Variants in MARCHF1 observed in about 807,000 individuals in gnomAD.
MARCHF1 encodes the protein E3 ubiquitin-protein ligase MARCHF1.
In MARCHF1, 40 loss-of-function variants were observed where a neutral mutation model predicts 54.2. That is an observed-to-expected ratio of 0.74 (90% confidence interval 0.57 to 0.96). The LOEUF is 0.96. Ranked by LOEUF, MARCHF1 falls within the 40% of genes least tolerant of loss-of-function variation. The probability of loss-of-function intolerance (pLI) is 0.00; values close to 1 mark genes in which losing one functional copy is unlikely to be tolerated. For missense variants in MARCHF1, 586 were observed against 656.5 expected (o/e 0.89, Z 1.17); for synonymous variants, 236 against 236.3 (o/e 1.00, Z 0.01).
chr4:163,742,903 G>A (rs1326625314), intron 4 of MARCHF1, among the ~76,000 whole-genome samples: 1 of 151,898 alleles, frequency 6.6e-6, no homozygotes, highest in Non-Finnish European at 1.5e-5. Context: ...ATATGTAGAT[G>A]AGACAAGATA....
intron 1 of MARCHF1, among the ~76,000 whole-genome samples, chr4:164,139,212 T>G (rs1271031594): frequency 6.6e-6 from 1 of 152,036 alleles, no homozygotes; most frequent in African/African-American, 2.4e-5. Context: ...ATGAACACCA[T>G]GTACCAGAGG....
intron 8 of MARCHF1, among the ~76,000 whole-genome samples, chr4:163,545,986 T>TG (rs1491294173): frequency 8.2e-4 from 124 of 151,022 alleles, no homozygotes; most frequent in Non-Finnish European, 1.4e-3. Context: ...TGTGTGTGTA[T>TG]TTTTTTGAGA....
intron 1 of MARCHF1, among the ~76,000 whole-genome samples, chr4:164,200,459 A>C (rs1051574701): frequency 6.6e-6 from 1 of 152,158 alleles, no homozygotes; most frequent in Non-Finnish European, 1.5e-5. Flanking sequence ...TCCTGCACAT[A>C]AGTCTTGTAT....
intron 1 of MARCHF1, among the ~76,000 whole-genome samples, chr4:164,381,160 C>T (rs1731358342): frequency 6.6e-6 from 1 of 152,180 alleles, no homozygotes; most frequent in African/African-American, 2.4e-5. Flanking sequence ...TGTGCTATGG[C>T]TTTATTTTTG....
intron 1 of MARCHF1, among the ~76,000 whole-genome samples, chr4:164,126,360 G>A (rs566397086): frequency 6.6e-6 from 1 of 152,264 alleles, no homozygotes; most frequent in African/African-American, 2.4e-5. Context: ...ATCAGACACC[G>A]AATCTTCCAG....
intron 1 of MARCHF1, among the ~76,000 whole-genome samples, chr4:164,193,273 C>T (rs532227796): frequency 3.3e-5 from 5 of 152,018 alleles, no homozygotes; most frequent in South Asian, 2.1e-4. Flanking sequence ...AGAAAATCTC[C>T]GTCCCTTTCC....
chr4:163,654,121 T>C (rs1028038756), intron 5 of MARCHF1, among the ~76,000 whole-genome samples: 1 of 151,614 alleles, frequency 6.6e-6, no homozygotes, highest in African/African-American at 2.4e-5. Context: ...TGGAGAAGGA[T>C]AGAGAGAACC....
At chr4:164,267,414 T>C (rs1484688525) in intron 1 of MARCHF1, among the ~76,000 whole-genome samples, 2 of 152,212 alleles carry the variant, frequency 1.3e-5, no homozygotes, top group Non-Finnish European at 2.9e-5. Flanking sequence ...TCTCTCTTTC[T>C]TTTGCCCTCT....
intron 3 of MARCHF1, among the ~76,000 whole-genome samples, chr4:163,922,497 G>A (rs1751454168): frequency 6.6e-6 from 1 of 152,086 alleles, no homozygotes; most frequent in African/African-American, 2.4e-5. Flanking sequence ...AATATCTCTG[G>A]CAGTCAGGCT....
chr4:163,961,016 G>C (rs1752336965), intron 3 of MARCHF1, among the ~76,000 whole-genome samples: 1 of 151,692 alleles, frequency 6.6e-6, no homozygotes, highest in African/African-American at 2.4e-5. Context: ...CCTGATGTCT[G>C]TCTCTCTGTC....
rs572675795 is a variant in MARCHF1 at position 164,022,584 on chromosome 4, C to T, written c.-247-33875G>A. 2.0e-5 allele frequency among the ~76,000 whole-genome samples: 3 copies of T among 152,350 alleles called. No homozygotes were observed. In the South Asian group the frequency reaches 6.2e-4, roughly 32 times the overall value. On this transcript the variant is annotated intron_variant, in intron 2 of 9. Transcript: ENST00000514618. ...GCTAAAGGTCACCCTGTATCTACCACAGACATTTGAACTGGCAAAAAGATC... is the reference window on the plus strand; with the variant it reads ...GCTAAAGGTCACCCTGTATCTACCATAGACATTTGAACTGGCAAAAAGATC...
chr4:163,943,748 T>TAAAAAAAAAAA (rs5863641), intron 3 of MARCHF1, among the ~76,000 whole-genome samples: 2 of 123,526 alleles, frequency 1.6e-5, no homozygotes, highest in African/African-American at 6.1e-5. Flanking sequence ...AAATAGAAGT[T>TAAAAAAAAAAA]AAAAAAAAAA....
At chr4:164,042,402 C>T (rs1240062828) in intron 2 of MARCHF1, among the ~76,000 whole-genome samples, 2 of 152,162 alleles carry the variant, frequency 1.3e-5, no homozygotes, top group Non-Finnish European at 2.9e-5. Flanking sequence ...GGAAAGAAAG[C>T]ACCTTCTTAT....
chr4:163,751,759 A>G (rs1262116617), intron 4 of MARCHF1, among the ~76,000 whole-genome samples: 1 of 152,012 alleles, frequency 6.6e-6, no homozygotes. Flanking sequence ...CTCCTCAAGT[A>G]GGTATTTAAT....
chr4:164,093,607 A>C (rs1553980835), intron 2 of MARCHF1, among the ~76,000 whole-genome samples: 2 of 152,154 alleles, frequency 1.3e-5, no homozygotes, highest in Non-Finnish European at 2.9e-5. Context: ...ATTAGAACCC[A>C]GGAGAAATGG....
At chr4:164,321,860 T>C (rs1735150533) in intron 1 of MARCHF1, among the ~76,000 whole-genome samples, 1 of 152,118 alleles carries the variant, frequency 6.6e-6, no homozygotes, top group African/African-American at 2.4e-5. Flanking sequence ...TAATTAATTA[T>C]AATAATCATA....
intron 1 of MARCHF1, among the ~76,000 whole-genome samples, chr4:164,159,391 A>C (rs984725953): frequency 5.3e-5 from 8 of 152,182 alleles, no homozygotes; most frequent in African/African-American, 1.9e-4. Context: ...CATGTTAAAA[A>C]ATTACAAATT....
At chr4:164,145,661 G>A (rs1165034472) in intron 1 of MARCHF1, among the ~76,000 whole-genome samples, 5 of 151,892 alleles carry the variant, frequency 3.3e-5, no homozygotes, top group Admixed American at 3.3e-4. Context: ...AGGTATTGAT[G>A]GGACATATCT....
chr4:164,059,400 T>C (rs1383325401), intron 2 of MARCHF1, among the ~76,000 whole-genome samples: 4 of 152,208 alleles, frequency 2.6e-5, no homozygotes, highest in African/African-American at 9.6e-5. Flanking sequence ...TTTATTGACG[T>C]AAATCTAAGT....
Sources: allele counts gnomAD v4.1 joint callset (sites outside exome capture counted in the v4.1 genomes callset), GRCh38; gene constraint gnomAD v4.1.1; transcripts MANE v1.5; gene names NCBI Gene and HGNC (gene_info 2026-07-23, HGNC 2026-07-21).